Variants in SNX2 observed in about 807,000 individuals in gnomAD.
SNX2 encodes the protein sorting nexin 2.
A neutral mutation model predicts 69.9 loss-of-function variants in SNX2; 25 were observed. The ratio of observed to expected loss-of-function variants is 0.36; its 90% CI spans 0.26 to 0.50. The LOEUF is 0.50. SNX2 is among the 20% of genes least tolerant of loss of function. The pLI, the probability that SNX2 is intolerant of heterozygous loss-of-function variation, is 0.97. For missense variants in SNX2, 551 were observed against 613.3 expected (o/e 0.90, Z 1.07); for synonymous variants, 229 against 200.4 (o/e 1.14, Z -1.20).
chr5:122,803,354 A>G, intron 5 of SNX2, 118 bp from the exon 6 acceptor site: 1 of 895,900 alleles, frequency 1.1e-6, no homozygotes, highest in South Asian at 2.2e-5. Context: ...CATTAGTTAG[A>G]TACTCTGCAT....
intron 1 of SNX2, among the ~76,000 whole-genome samples, chr5:122,781,328 T>G (rs1377962964): frequency 6.6e-6 from 1 of 152,244 alleles, no homozygotes; most frequent in Non-Finnish European, 1.5e-5. Context: ...GTCATTAAGT[T>G]TGTTCTATGT....
chr5:122,812,540 A>C (rs940963869), intron 7 of SNX2, among the ~76,000 whole-genome samples: 2 of 152,156 alleles, frequency 1.3e-5, no homozygotes, highest in Non-Finnish European at 2.9e-5. Flanking sequence ...GACCTATTCT[A>C]TTTATATTGC....
intron 7 of SNX2, among the ~76,000 whole-genome samples, chr5:122,810,923 T>C (rs182834428): frequency 7.2e-5 from 11 of 152,342 alleles, no homozygotes; most frequent in Middle Eastern, 3.4e-3. Context: ...AATTCTTCTG[T>C]GCAAGCTAAT....
chr5:122,808,764 A>G (rs1426954701), intron 7 of SNX2: 1 of 158,370 alleles, frequency 6.3e-6, no homozygotes, highest in African/African-American at 2.4e-5. Flanking sequence ...TTTGGATGCA[A>G]ATAATCCCAC....
chr5:122,815,400 G>T (rs957126267), intron 7 of SNX2, among the ~76,000 whole-genome samples: 2 of 152,142 alleles, frequency 1.3e-5, no homozygotes, highest in African/African-American at 4.8e-5. Context: ...AGCTAATTGT[G>T]ATCATTTAAA....
rs1754312019 is a variant in SNX2 at position 122,832,381 on chromosome 5, C to G, written c.*2733C>G. The G allele has an allele frequency of 6.8e-6, 1 of 146,646 alleles. No homozygotes were observed. Among genetic ancestry groups the G allele is most frequent in the Non-Finnish European group, 1.5e-5 (1 of 66,840 alleles). 9.1% of individuals were successfully genotyped at this position (146,646 alleles called of 1,614,324 possible). A position where few individuals can be genotyped will look rare whatever the true frequency, so the allele number is the denominator to read the frequency against. ...GAAAACAATTCTAATCAAAGAACTT[C>G]TATTAAGTAAAACAAGACAAAATGT... On this transcript the variant is annotated 3_prime_UTR_variant, in exon 15 of 15. Transcript: ENST00000379516.
intron 3 of SNX2, among the ~76,000 whole-genome samples, chr5:122,801,331 G>A (rs1010313243): frequency 2.0e-5 from 3 of 152,028 alleles, no homozygotes; most frequent in Non-Finnish European, 2.9e-5. Context: ...TGGGCTGGGC[G>A]CAGTGGTTCA....
intron 2 of SNX2, among the ~76,000 whole-genome samples, chr5:122,798,162 C>CT (rs76010869): frequency 0.2 from 30,190 of 150,872 alleles, 3,414 homozygotes; most frequent in East Asian, 0.46. Context: ...TGATATACTG[C>CT]TTTTTTTTTA....
intron 11 of SNX2, among the ~76,000 whole-genome samples, chr5:122,823,951 C>T (rs1754088409): frequency 6.6e-6 from 1 of 152,014 alleles, no homozygotes; most frequent in Non-Finnish European, 1.5e-5. Flanking sequence ...CCTGTAATCC[C>T]AGCACTTTGG....
At chr5:122,813,592 T>C (rs1252235627) in intron 7 of SNX2, among the ~76,000 whole-genome samples, 1 of 151,988 alleles carries the variant, frequency 6.6e-6, no homozygotes, top group African/African-American at 2.4e-5. Flanking sequence ...CTGTTTGATA[T>C]GAATTTTAAA....
At chr5:122,811,345 T>C (rs542848066) in intron 7 of SNX2, among the ~76,000 whole-genome samples, 1 of 152,124 alleles carries the variant, frequency 6.6e-6, no homozygotes, top group Non-Finnish European at 1.5e-5. Context: ...TTCTTGAGAG[T>C]GCTTCAGATC....
rs778524808 is a variant in SNX2 at position 122,815,904 on chromosome 5, A to G, written c.731A>G (p.Gln244Arg). ...TTTACTCTTAAATCTAGGTATCTTCAAAGAACAGTAAAACATCCAACTTTA... is the reference window on the plus strand; with the variant it reads ...TTTACTCTTAAATCTAGGTATCTTCGAAGAACAGTAAAACATCCAACTTTA... ...KRRAALERYL[Q>R]RTVKHPTLLQ... The change falls in exon 8 of 15, where the codon CAA (glutamine) becomes CGA (arginine). Residue 244 changes from glutamine (Q) to arginine (R), a missense_variant. Around this residue, in one of 2 missense-constraint regions of SNX2, gnomAD observed 360 missense variants for 450.4 expected, o/e 0.80. Transcript: ENST00000379516. 6 of 1,595,604 alleles carry G rather than the reference A, an allele frequency of 3.8e-6. No individual in the cohort carries two copies. The East Asian group carries it at 1.1e-4, about 30-fold the overall frequency.
rs531026709 is a variant in SNX2 at position 122,806,484 on chromosome 5, ACT to A, written c.644-1788_644-1787del. On this transcript the variant is annotated intron_variant, in intron 6 of 14. Coordinates refer to ENST00000379516, the MANE Select transcript of SNX2 (RefSeq NM_003100.4). ...AAGGGAGAGTCTTCATTAGCACGTA[ACT>A]CTCTACTTTGGTAGGACCTTAGTTG... Among the ~76,000 whole-genome samples the A allele has an allele frequency of 7.0e-4, 107 of 152,244 alleles. 1 individual carries two copies. Among genetic ancestry groups the A allele is most frequent in the African/African-American group, 2.4e-3 (99 of 41,536 alleles).
chr5:122,801,900 A>T lies in SNX2; in HGVS notation c.422A>T (p.Asp141Val), dbSNP rs143461530. Residue 141 changes from aspartate to valine, a missense_variant, in exon 4 of 15, where the codon GAC (aspartate) becomes GTC (valine). Physicochemically the swap from Asp to Val is radical, Grantham distance 152. This residue lies in a region of SNX2 where 360 missense variants were observed against 450.4 expected (regional missense o/e 0.80). Coordinates refer to ENST00000379516, the MANE Select transcript of SNX2 (RefSeq NM_003100.4). ...GAAGAAGCAAATGGAGACATTTTTG[A>T]CATAGAAATTGGTGTATCAGATCCA... is the stretch of plus-strand genomic sequence containing the variant. ...IEEEANGDIF[D>V]IEIGVSDPEK... is the part of the protein sequence containing the mutation. 3.0e-4 allele frequency: 483 copies of T among 1,602,168 alleles called. No individual in the cohort carries two copies. The highest frequency in any genetic ancestry group is 3.7e-4 in the Non-Finnish European group (432 of 1,171,508).
At chr5:122,813,472 G>A (rs1391148145) in intron 7 of SNX2, among the ~76,000 whole-genome samples, 1 of 151,984 alleles carries the variant, frequency 6.6e-6, no homozygotes, top group Non-Finnish European at 1.5e-5. Context: ...ATGCTAATAT[G>A]TAGTAGAATG....
At chr5:122,828,362 A>T (rs1481109126) in intron 14 of SNX2, among the ~76,000 whole-genome samples, 1 of 152,090 alleles carries the variant, frequency 6.6e-6, no homozygotes, top group Non-Finnish European at 1.5e-5. Context: ...ATAAAGTTAA[A>T]TTTTTTTAAA....
chr5:122,822,030 G>C lies in SNX2; in HGVS notation c.1212+3007G>C, dbSNP rs1754037041. ...CCCAAGAATGAAGGTTTTTTGTTTTGTAAGTTGCCATTTACTTAGTGTGAA... is the reference window on the plus strand; with the variant it reads ...CCCAAGAATGAAGGTTTTTTGTTTTCTAAGTTGCCATTTACTTAGTGTGAA... On this transcript the variant is annotated intron_variant, in intron 11 of 14. Transcript: ENST00000379516. 2.6e-5 allele frequency among the ~76,000 whole-genome samples: 4 copies of C among 152,108 alleles called. No individual in the cohort carries two copies. The South Asian group carries it at 8.3e-4, about 32-fold the overall frequency.
chr5:122,823,443 A>G (rs1210459985), intron 11 of SNX2, among the ~76,000 whole-genome samples: 2 of 152,194 alleles, frequency 1.3e-5, no homozygotes. Context: ...CTGGTTCTAG[A>G]ATACTATGAG....
At chr5:122,806,142 G>GCGCACGCGAACACACACACACA in intron 6 of SNX2, among the ~76,000 whole-genome samples, 1 of 130,584 alleles carries the variant, frequency 7.7e-6, no homozygotes, top group Non-Finnish European at 1.6e-5. Flanking sequence ...ACACGCGCGC[G>GCGCACGCGAACACACACACACA]CACACACACA....
Sources: allele counts gnomAD v4.1 joint callset (sites outside exome capture counted in the v4.1 genomes callset), GRCh38; gene constraint gnomAD v4.1.1; regional missense constraint gnomAD v4.1.1; transcripts MANE v1.5; gene names NCBI Gene and HGNC (gene_info 2026-07-23, HGNC 2026-07-21).